POLR1C: variants seen among roughly 807,000 people sequenced by gnomAD.
POLR1C encodes DNA-directed RNA polymerases I and III subunit RPAC1.
In POLR1C, 42 loss-of-function variants were observed where a neutral mutation model predicts 38.3. The observed-to-expected ratio is 1.10, with a 90% CI of 0.86 to 1.42. The LOEUF is 1.42. Among genes scored for constraint, POLR1C ranks in the 40% most tolerant of loss-of-function variants. POLR1C has a pLI of 0.00. For synonymous variants in POLR1C, 163 were observed against 163.9 expected (o/e 0.99, Z 0.04); for missense variants, 507 against 450.5 (o/e 1.13, Z -1.14).
At chr6:43,525,883 T>C (rs1306461803), downstream of POLR1C, 7 of 1,613,918 alleles carry the variant, frequency 4.3e-6, no homozygotes, top group Admixed American at 8.3e-5. Flanking sequence ...AGCTCTGCCA[T>C]AGCTGAGGGG....
downstream of POLR1C, among the ~76,000 whole-genome samples, chr6:43,530,043 T>C (rs1413461583): frequency 6.6e-6 from 1 of 151,664 alleles, no homozygotes; most frequent in Non-Finnish European, 1.5e-5. Flanking sequence ...TTACTTGAGG[T>C]CAGGAGTTTG....
chr6:43,533,553 G>A, downstream of POLR1C: 1 of 178,086 alleles, frequency 5.6e-6, no homozygotes, highest in South Asian at 1.2e-4. Flanking sequence ...GCTGCTCAAG[G>A]AACCCATAAG....
Position 43,558,292 on chromosome 6 carries a change from G to A in POLR1C, c.*49-3108G>A, listed in dbSNP as rs76449370. Among the ~76,000 whole-genome samples, 2,670 of 152,238 alleles carry A rather than the reference G, an allele frequency of 0.018. 94 individuals carry two copies. Among genetic ancestry groups the A allele is most frequent in the African/African-American group, 0.06 (2,493 of 41,528 alleles). On this transcript the variant is annotated intron_variant, in intron 10 of 10. Transcript: ENST00000607635. ...CATCCCTAAACATCAATGTCTAAGTGCTGTGGGGGTTTGTGGTGTAAAACA... is the reference window on the plus strand; with the variant it reads ...CATCCCTAAACATCAATGTCTAAGTACTGTGGGGGTTTGTGGTGTAAAACA...
chr6:43,546,926 G>A (rs1370181795), intron 9 of POLR1C, among the ~76,000 whole-genome samples: 6 of 152,094 alleles, frequency 3.9e-5, no homozygotes, highest in African/African-American at 1.4e-4. Flanking sequence ...AGTCCAAGAG[G>A]GATCCTCTCA....
At chr6:43,524,055 T>C (rs1471795346), downstream of POLR1C, 1 of 1,592,134 alleles carries the variant, frequency 6.3e-7, no homozygotes, top group Non-Finnish European at 8.5e-7. Context: ...CAGTAGTAGT[T>C]AAAAGATTCT....
chr6:43,558,623 TGA>T, intron 10 of POLR1C: 1 of 1,514,064 alleles, frequency 6.6e-7, no homozygotes, highest in Non-Finnish European at 8.9e-7. Flanking sequence ...GGGTAGGGGA[TGA>T]AAGTGGACCC....
At chr6:43,559,942 C>A (rs1309462393) in intron 10 of POLR1C, among the ~76,000 whole-genome samples, 1 of 152,150 alleles carries the variant, frequency 6.6e-6, no homozygotes, top group Non-Finnish European at 1.5e-5. Flanking sequence ...TAAGCCTCCC[C>A]AGTAGCTGGG....
At chr6:43,518,092 T>G (rs896707688) in intron 2 of POLR1C, among the ~76,000 whole-genome samples, 7 of 152,052 alleles carry the variant, frequency 4.6e-5, no homozygotes, top group Admixed American at 4.6e-4. Context: ...GCATGAGTGG[T>G]AGGCAAGGTT....
chr6:43,548,923 T>G (rs897116103), intron 9 of POLR1C, among the ~76,000 whole-genome samples: 3 of 152,084 alleles, frequency 2.0e-5, no homozygotes, highest in Non-Finnish European at 2.9e-5. Context: ...GATCATCACA[T>G]AGTAAAGAGT....
intron 10 of POLR1C, among the ~76,000 whole-genome samples, chr6:43,556,286 G>A (rs1266135184): frequency 1.3e-5 from 2 of 152,100 alleles, no homozygotes; most frequent in Non-Finnish European, 2.9e-5. Context: ...CACTTTAGGA[G>A]GCCAAGGTGG....
chr6:43,558,354 T>C, intron 10 of POLR1C: 1 of 681,606 alleles, frequency 1.5e-6, no homozygotes, highest in Non-Finnish European at 2.4e-6. Flanking sequence ...AGCACTCTTC[T>C]GCAATGGGAA....
At chr6:43,522,745 GTT>G, downstream of POLR1C, 1 of 495,858 alleles carries the variant, frequency 2.0e-6, no homozygotes, top group South Asian at 1.5e-5. Context: ...CAACAGGTCT[GTT>G]TTTGTGCAGA....
intron 9 of POLR1C, among the ~76,000 whole-genome samples, chr6:43,542,693 T>C (rs1403015238): frequency 1.3e-5 from 2 of 152,168 alleles, no homozygotes; most frequent in Non-Finnish European, 2.9e-5. Flanking sequence ...CCCAAAGTGC[T>C]TGGATTACAG....
chr6:43,519,278 A>C, intron 2 of POLR1C, 55 bp from the exon 3 acceptor site: 13 of 1,063,474 alleles, frequency 1.2e-5, no homozygotes, highest in Non-Finnish European at 1.9e-5. Context: ...GGAGGTATGA[A>C]GAGATATTAC....
chr6:43,561,024 C>G, intron 10 of POLR1C: 5 of 1,598,436 alleles, frequency 3.1e-6, no homozygotes, highest in Non-Finnish European at 3.4e-6. Flanking sequence ...GAGAAGACCA[C>G]TATATTAACG....
downstream of POLR1C, chr6:43,531,394 A>C (rs189490510): frequency 8.0e-7 from 1 of 1,251,796 alleles, no homozygotes; most frequent in Admixed American, 1.7e-5. Flanking sequence ...TTACCTGTAC[A>C]CTAGATGAAA....
intron 9 of POLR1C, chr6:43,548,590 G>T: frequency 1.3e-6 from 1 of 782,128 alleles, no homozygotes. Flanking sequence ...GTTATTATTT[G>T]GTAATTCTGT....
intron 10 of POLR1C, chr6:43,560,860 G>T: frequency 7.8e-7 from 1 of 1,277,932 alleles, no homozygotes; most frequent in Non-Finnish European, 1.1e-6. Context: ...AATATTTCAG[G>T]ACACAGTGCT....
chr6:43,539,210 AC>A, intron 9 of POLR1C: 2 of 1,167,290 alleles, frequency 1.7e-6, no homozygotes, highest in Non-Finnish European at 2.5e-6. Context: ...GCCTCTGTGC[AC>A]GGGGACAATG....
Sources: gnomAD v4.1 joint callset for allele counts (sites outside exome capture counted in the v4.1 genomes callset) on GRCh38, gnomAD v4.1.1 for gene constraint, MANE v1.5 for transcripts, NCBI Gene and HGNC (gene_info 2026-07-23, HGNC 2026-07-21) for gene names.